The following ADAR variants were observed in gnomAD, a reference collection of about 807,000 sequenced individuals.
ADAR encodes the protein double-stranded RNA-specific adenosine deaminase.
In ADAR, 41 loss-of-function variants were observed where a neutral mutation model predicts 113.2. The ratio of observed to expected loss-of-function variants is 0.36; its 90% confidence interval spans 0.28 to 0.47. The LOEUF is 0.47. ADAR is among the 20% of genes least tolerant of loss of function. The pLI, the probability that ADAR is intolerant of heterozygous loss-of-function variation, is 1.00. For missense variants in ADAR, 1,242 were observed against 1,540.9 expected, an observed-to-expected ratio of 0.81 and a Z score of 3.25; for synonymous variants, 605 against 572.6, an observed-to-expected ratio of 1.06 and a Z score of -0.81.
At position 154,586,174 on chromosome 1, in the gene ADAR, C is replaced by A. The variant is rs764884409; in HGVS notation, c.3202+7G>T. 1.2e-6 allele frequency: 2 copies of A among 1,613,936 alleles called. No homozygotes were observed. The highest frequency in any genetic ancestry group is 2.2e-5 in the South Asian group (2 of 91,056). ...ACCAGTTCCAGATCCCAAGGCAGGC[C>A]CCTTACCCAATGTGACAGATTTGAG... On this transcript the variant is annotated splice_region_variant and intron_variant, in intron 12 of 14. Transcript: ENST00000368474.
At chr1:154,600,583 C>G in intron 2 of ADAR, 1 of 219,490 alleles carries the variant, frequency 4.6e-6, no homozygotes, top group Non-Finnish European at 9.3e-6. Context: ...AAGTGATTCT[C>G]CTGTCTCAGC....
At chr1:154,605,852 GAA>G (rs993099098) in intron 1 of ADAR, among the ~76,000 whole-genome samples, 1 of 150,984 alleles carries the variant, frequency 6.6e-6, no homozygotes, top group South Asian at 2.1e-4. Flanking sequence ...GTGACCTTGG[GAA>G]AAAAAAATTG....
At chr1:154,606,371 AT>A (rs1292265816) in intron 1 of ADAR, among the ~76,000 whole-genome samples, 1 of 152,138 alleles carries the variant, frequency 6.6e-6, no homozygotes, top group Non-Finnish European at 1.5e-5. Context: ...ATCTATTTGT[AT>A]TCACCTGGGG....
chr1:154,594,928 T>G (rs2101610851), intron 6 of ADAR, among the ~76,000 whole-genome samples: 1 of 152,362 alleles, frequency 6.6e-6, no homozygotes, highest in African/African-American at 2.4e-5. Context: ...CAGCAATTTC[T>G]AGAAGGACTC....
rs768341751 is a variant in ADAR at position 154,585,873 on chromosome 1, C to CA, written c.3203-9dup. The CA allele has an allele frequency of 1.9e-6, 3 of 1,610,716 alleles. No homozygotes were observed. The highest frequency in any genetic ancestry group is 4.5e-5 in the East Asian group (2 of 44,862). On this transcript the variant is annotated splice_polypyrimidine_tract_variant and intron_variant, in intron 12 of 14. Transcript: ENST00000368474. ...CTTGGCTGAAAAGGTAACCTGAGTA[C>CA]AAAAAAGAGAAACATATATACCTGT...
intron 6 of ADAR, among the ~76,000 whole-genome samples, chr1:154,595,269 T>G (rs1418562727): frequency 6.6e-6 from 1 of 152,186 alleles, no homozygotes; most frequent in African/African-American, 2.4e-5. Flanking sequence ...CAGCGTATAC[T>G]CCTTCTACTT....
Position 154,598,252 on chromosome 1 carries a change from G to A in ADAR, c.1785+150C>T, listed in dbSNP as rs919440761. On this transcript the variant is annotated intron_variant, in intron 3 of 14. Transcript: ENST00000368474. ...AGGAGCTGGGTATGAGAGGAGGAAA[G>A]GTGGGCTGGCGAGATAGGGTAGAGG... 4.5e-6 allele frequency: 4 copies of A among 893,702 alleles called. No homozygotes were observed. In the Admixed American group the frequency reaches 6.0e-5, roughly 13 times the overall value. 55.4% of individuals were successfully genotyped at this position (893,702 alleles called of 1,614,324 possible). A position where few individuals can be genotyped will look rare whatever the true frequency, so the allele number is the denominator to read the frequency against.
At position 154,597,160 on chromosome 1, in the gene ADAR, T is replaced by C. The variant is rs762924757; in HGVS notation, c.2042A>G (p.His681Arg). ...MAAEEAMKAL[H>R]GEATNSMASD... The stretch of plus-strand genomic sequence containing the variant: ...AGCCATGGAGTTGGTCGCCTCCCCA[T>C]GCAGGGCCTTCATGGCTTCCTCTGC... The change falls in exon 5 of 15, where the codon CAT becomes CGT. Residue 681 changes from histidine (H) to arginine (R), a missense_variant. Coordinates refer to ENST00000368474, the MANE Select transcript of ADAR (RefSeq NM_001111.5). The C allele has an allele frequency of 4.3e-6, 7 of 1,614,222 alleles. No individual in the cohort carries two copies. Among genetic ancestry groups the C allele is most frequent in the Middle Eastern group, 1.6e-4 (1 of 6,062 alleles).
rs1316226231 is a variant in ADAR, at chr1:154,601,011, C to A, written c.1601+30G>T. 1 of 1,613,650 alleles carries A rather than the reference C, an allele frequency of 6.2e-7. No individual in the cohort carries two copies. Among genetic ancestry groups the A allele is most frequent in the Admixed American group, 1.7e-5 (1 of 60,030 alleles). On this transcript the variant is annotated intron_variant, in intron 2 of 14. Transcript: ENST00000368474. This position sits in a 1 kb window ranked among gnomAD's most constrained non-coding sequence, Gnocchi z 4.7. ...AGGAGCAAAAGCACCTGACCCCAAC[C>A]CTAGGTACAGTTCCTGGGTGGTCTC...
chr1:154,610,808 C>CAAAAAA (rs1369386387), upstream of ADAR, among the ~76,000 whole-genome samples: 4,100 of 40,358 alleles, frequency 0.1, 861 homozygotes, highest in East Asian at 0.19. Context: ...GACACCGTCT[C>CAAAAAA]AAAAAAAAAA....
intron 1 of ADAR, among the ~76,000 whole-genome samples, chr1:154,614,217 T>A (rs1427948136): frequency 6.6e-6 from 1 of 152,258 alleles, no homozygotes; most frequent in Non-Finnish European, 1.5e-5. Flanking sequence ...GGTGACCCTA[T>A]ACAACTTGTG....
At chr1:154,586,564 T>C (rs182750808) in intron 11 of ADAR, among the ~76,000 whole-genome samples, 70 of 152,312 alleles carry the variant, frequency 4.6e-4, no homozygotes, top group Admixed American at 3.7e-3. Context: ...CTTTGTGCTC[T>C]TAAAACATCT....
chr1:154,601,337 A>G lies in ADAR; in HGVS notation c.1305T>C (p.Pro435=). 1 of 1,614,252 alleles carries G rather than the reference A, an allele frequency of 6.2e-7. No individual in the cohort carries two copies. The change falls in exon 2 of 15, where the codon CCT becomes CCC. Residue 435 remains proline (P), a synonymous_variant. Coordinates refer to ENST00000368474, the MANE Select transcript of ADAR (RefSeq NM_001111.5). This position sits in a 1 kb window ranked among gnomAD's most constrained non-coding sequence, Gnocchi z 4.7. ...ARPEPARLKP[P]VHYNGPSKAG... Reference sequence around the variant, plus strand: ...CTTTTGAGGGGCCATTGTAATGAACAGGTGGTTTCAGTCTTGCTGGTTCTG... The same window carrying G: ...CTTTTGAGGGGCCATTGTAATGAACGGGTGGTTTCAGTCTTGCTGGTTCTG...
At chr1:154,613,100 T>C (rs1233061521), upstream of ADAR, among the ~76,000 whole-genome samples, 3 of 151,946 alleles carry the variant, frequency 2.0e-5, no homozygotes, top group Non-Finnish European at 4.4e-5. Context: ...TGTGAGCCAC[T>C]GCGCTAGTCC....
intron 6 of ADAR, among the ~76,000 whole-genome samples, chr1:154,595,687 C>T (rs555038151): frequency 2.6e-5 from 4 of 152,174 alleles, no homozygotes; most frequent in South Asian, 2.1e-4. Flanking sequence ...AAAAAAGTTA[C>T]AGTAAGCTAA....
chr1:154,599,171 T>C (rs1402305137), intron 2 of ADAR, among the ~76,000 whole-genome samples: 1 of 152,182 alleles, frequency 6.6e-6, no homozygotes, highest in Non-Finnish European at 1.5e-5. Flanking sequence ...TAACAAGGAA[T>C]TTCCCCTTGT....
chr1:154,596,803 A>C lies in ADAR; in HGVS notation c.2270+2T>G. Reference sequence around the variant, plus strand: ...TGCATTAGCCAGGACTAGGACACTCACTTGGGCTCGTGAGGAGGTCCGGAC... The same window carrying C: ...TGCATTAGCCAGGACTAGGACACTCCCTTGGGCTCGTGAGGAGGTCCGGAC... On this transcript the variant is annotated splice_donor_variant, in intron 6 of 14. Coordinates refer to ENST00000368474, the MANE Select transcript of ADAR (RefSeq NM_001111.5). LOFTEE classifies it high-confidence loss of function. 6.2e-7 allele frequency: 1 copy of C among 1,612,716 alleles called. No homozygotes were observed. The highest frequency in any genetic ancestry group is 8.5e-7 in the Non-Finnish European group (1 of 1,180,002).
chr1:154,601,189 G>T lies in ADAR; in HGVS notation c.1453C>A (p.His485Asn). The T allele has an allele frequency of 3.1e-6, 5 of 1,614,222 alleles. No individual in the cohort carries two copies. The highest frequency in any genetic ancestry group is 4.2e-6 in the Non-Finnish European group (5 of 1,180,032). Reference sequence around the variant, plus strand: ...TAGGGTGAACACCGTGGCAAGCCATGACTGTAGAAGGAGGGCATCTCCATG... The same window carrying T: ...TAGGGTGAACACCGTGGCAAGCCATTACTGTAGAAGGAGGGCATCTCCATG... The part of the protein sequence containing the change: ...AIMEMPSFYS[H>N]GLPRCSPYKK... Residue 485 changes from histidine to asparagine, a missense_variant, in exon 2 of 15, where the codon CAT becomes AAT. This residue lies in a region of ADAR where 780 missense variants were observed against 1,057.9 expected (regional missense o/e 0.74). Coordinates refer to ENST00000368474, the MANE Select transcript of ADAR (RefSeq NM_001111.5). The surrounding 1 kb of genome is among the most constrained non-coding windows in gnomAD (Gnocchi z 4.7).
Position 154,588,472 on chromosome 1 carries a change from C to T in ADAR, c.2885+79G>A, listed in dbSNP as rs963851494. The T allele has an allele frequency of 4.4e-6, 7 of 1,592,216 alleles. No individual in the cohort carries two copies. The African/African-American group carries it at 6.7e-5, about 15-fold the overall frequency. On this transcript the variant is annotated intron_variant, in intron 10 of 14. Transcript: ENST00000368474. The stretch of plus-strand genomic sequence containing the variant: ...GGCTTATTGTATCAGGTTCGATTTA[C>T]AGGCCAGGAGAGCATTTGGATACCC...
Sources: allele counts gnomAD v4.1 joint callset (sites outside exome capture counted in the v4.1 genomes callset), GRCh38; gene constraint gnomAD v4.1.1; regional missense constraint gnomAD v4.1.1; non-coding constraint Gnocchi (gnomAD v3.1); transcripts MANE v1.5; gene names NCBI Gene and HGNC (gene_info 2026-07-23, HGNC 2026-07-21).